The following PRKAR2A variants were observed in gnomAD, a reference collection of about 807,000 sequenced individuals.
PRKAR2A encodes cAMP-dependent protein kinase type II-alpha regulatory subunit.
A neutral mutation model predicts 51.9 loss-of-function variants in PRKAR2A; 29 were observed. The observed-to-expected ratio is 0.56, with a 90% confidence interval of 0.42 to 0.76. PRKAR2A has a LOEUF of 0.76. PRKAR2A is among the 30% of genes least tolerant of loss of function. PRKAR2A has a pLI of 0.00. For synonymous variants in PRKAR2A, 178 were observed against 186.2 expected, an observed-to-expected ratio of 0.96 and a Z score of 0.36; for missense variants, 445 against 512.1, an observed-to-expected ratio of 0.87 and a Z score of 1.26.
chr3:48,812,395 C>T (rs1215870845), intron 1 of PRKAR2A, among the ~76,000 whole-genome samples: 2 of 151,994 alleles, frequency 1.3e-5, no homozygotes, highest in Non-Finnish European at 2.9e-5. Context: ...GCAGCAATGA[C>T]GCAGTAGGTT....
At chr3:48,754,638 G>A (rs1456843424) in intron 9 of PRKAR2A, among the ~76,000 whole-genome samples, 1 of 151,910 alleles carries the variant, frequency 6.6e-6, no homozygotes, top group South Asian at 2.1e-4. Flanking sequence ...GCTGGGCTTG[G>A]TGGTGGGAGC....
chr3:48,780,641 A>G (rs1015189941), intron 5 of PRKAR2A, among the ~76,000 whole-genome samples: 2 of 151,856 alleles, frequency 1.3e-5, no homozygotes, highest in Non-Finnish European at 2.9e-5. Flanking sequence ...TCTGAGTGTA[A>G]TAATTTGTCA....
chr3:48,847,264 G>C lies in PRKAR2A; in HGVS notation c.262+71C>G. 6.5e-7 allele frequency: 1 copy of C among 1,534,118 alleles called. No homozygotes were observed. The highest frequency in any genetic ancestry group is 8.8e-7 in the Non-Finnish European group (1 of 1,134,662). ...TCGGCTTGGCTGCGGCGCGACACCT[G>C]GCTCCCTGCCACCCCTCTAGACCTC... On this transcript the variant is annotated intron_variant, in intron 1 of 10. Transcript: ENST00000265563. The surrounding 1 kb of genome is among the most constrained non-coding windows in gnomAD (Gnocchi z 4.4).
At chr3:48,842,237 T>C (rs2083392887) in intron 1 of PRKAR2A, among the ~76,000 whole-genome samples, 1 of 152,224 alleles carries the variant, frequency 6.6e-6, no homozygotes, top group Non-Finnish European at 1.5e-5. Context: ...TATATAAGAA[T>C]GCTTGTGATT....
intron 6 of PRKAR2A, 148 bp downstream of exon 6, chr3:48,772,806 AT>A (rs1402137446): frequency 4.5e-4 from 355 of 790,392 alleles, no homozygotes; most frequent in South Asian, 1.1e-3. Flanking sequence ...ACACCTGGCT[AT>A]TTTTTTTGTA....
In PRKAR2A at chr3:48,749,457, T is replaced by C. The variant is rs2107180778; in HGVS notation, c.*2128A>G. The C allele has an allele frequency of 6.6e-6, 1 of 152,214 alleles. No individual in the cohort carries two copies. The highest frequency in any genetic ancestry group is 2.4e-5 in the African/African-American group (1 of 41,532). The allele number at this position is 152,214 out of a possible 1,614,324, so 9.4% of individuals were successfully genotyped here. A position where few individuals can be genotyped will look rare whatever the true frequency, so the allele number is the denominator to read the frequency against. On this transcript the variant is annotated 3_prime_UTR_variant, in exon 11 of 11. Transcript: ENST00000265563. ...TCAACTAGAAAGGCCTTCACAGTAA[T>C]TCTATGAAATTGTAAATGATGCCAA...
At chr3:48,823,493 T>C (rs1575932631) in intron 1 of PRKAR2A, among the ~76,000 whole-genome samples, 2 of 151,970 alleles carry the variant, frequency 1.3e-5, no homozygotes, top group East Asian at 3.9e-4. Context: ...ATGTCTGTTG[T>C]GGTATGGTGA....
intron 1 of PRKAR2A, among the ~76,000 whole-genome samples, chr3:48,825,698 C>T (rs546089052): frequency 1.4e-4 from 21 of 152,212 alleles, no homozygotes; most frequent in African/African-American, 5.1e-4. Context: ...TTTCCTATTA[C>T]CCAAGCTGGA....
chr3:48,771,268 G>A (rs964517368), intron 6 of PRKAR2A, among the ~76,000 whole-genome samples: 1 of 152,176 alleles, frequency 6.6e-6, no homozygotes, highest in African/African-American at 2.4e-5. Flanking sequence ...AGCACTTTGG[G>A]AGGCCAAGGC....
At position 48,847,241 on chromosome 3, in the gene PRKAR2A, G is replaced by T; in HGVS notation, c.262+94C>A. 1 of 1,455,584 alleles carries T rather than the reference G, an allele frequency of 6.9e-7. No homozygotes were observed. Among genetic ancestry groups the T allele is most frequent in the Non-Finnish European group, 9.2e-7 (1 of 1,083,356 alleles). The allele number at this position is 1,455,584 out of a possible 1,614,324, so 90.2% of individuals were successfully genotyped here. ...GAGCTCCCAATCCCAGCCTGCGGTC[G>T]GCTTGGCTGCGGCGCGACACCTGGC... On this transcript the variant is annotated intron_variant, in intron 1 of 10. Coordinates refer to ENST00000265563, the MANE Select transcript of PRKAR2A (RefSeq NM_004157.4). This position sits in a 1 kb window ranked among gnomAD's most constrained non-coding sequence, Gnocchi z 4.4.
intron 1 of PRKAR2A, among the ~76,000 whole-genome samples, chr3:48,837,357 A>G (rs968186768): frequency 6.6e-6 from 1 of 152,212 alleles, no homozygotes; most frequent in Non-Finnish European, 1.5e-5. Flanking sequence ...TCCACTCAAC[A>G]TCATTAGTCA....
intron 2 of PRKAR2A, among the ~76,000 whole-genome samples, chr3:48,797,485 C>A (rs1031088085): frequency 1.3e-5 from 2 of 152,156 alleles, no homozygotes; most frequent in Non-Finnish European, 2.9e-5. Flanking sequence ...TCTAGGTACA[C>A]CCCAGCTTCC....
rs1196758080 is a variant in PRKAR2A at position 48,819,981 on chromosome 3, A to G, written c.263-12297T>C. 5.9e-5 allele frequency among the ~76,000 whole-genome samples: 9 copies of G among 152,128 alleles called. No homozygotes were observed. The South Asian group carries it at 1.7e-3, about 28-fold the overall frequency. Reference sequence around the variant, plus strand: ...CTCCCAACTCTGCCTACTACTTCCAATTTGGTCATAGGATAGGGTGCATGA... The same window carrying G: ...CTCCCAACTCTGCCTACTACTTCCAGTTTGGTCATAGGATAGGGTGCATGA... On this transcript the variant is annotated intron_variant, in intron 1 of 10. Coordinates refer to ENST00000265563, the MANE Select transcript of PRKAR2A (RefSeq NM_004157.4).
intron 1 of PRKAR2A, among the ~76,000 whole-genome samples, chr3:48,819,033 G>A (rs986991272): frequency 6.0e-5 from 9 of 149,482 alleles, no homozygotes; most frequent in African/African-American, 1.7e-4. Flanking sequence ...ACAGAGTTTC[G>A]CTCTTGTTGC....
intron 5 of PRKAR2A, among the ~76,000 whole-genome samples, chr3:48,773,488 C>G (rs921354104): frequency 6.6e-6 from 1 of 151,856 alleles, no homozygotes; most frequent in Non-Finnish European, 1.5e-5. Flanking sequence ...GGACTACAGG[C>G]ACGCGCCACC....
chr3:48,779,889 C>T (rs552726573), intron 5 of PRKAR2A, among the ~76,000 whole-genome samples: 1 of 150,496 alleles, frequency 6.6e-6, no homozygotes, highest in South Asian at 2.1e-4. Context: ...GGGCTGGGTG[C>T]GGTGGCTCAT....
chr3:48,804,075 C>T lies in PRKAR2A; in HGVS notation c.298+3574G>A, dbSNP rs186764996. Among the ~76,000 whole-genome samples the T allele has an allele frequency of 4.6e-5, 7 of 152,248 alleles. No homozygotes were observed. The East Asian group carries it at 1.4e-3, about 29-fold the overall frequency. On this transcript the variant is annotated intron_variant, in intron 2 of 10. Transcript: ENST00000265563. ...AAGTAAGATCAGTCAATAAGGCTAT[C>T]TATTTTCCTCCAATCAGGTTCAGCT...
In PRKAR2A at chr3:48,816,615, C is replaced by T. The variant is rs540796135; in HGVS notation, c.263-8931G>A. 2.4e-3 allele frequency among the ~76,000 whole-genome samples: 366 copies of T among 151,718 alleles called. 3 individuals carry two copies. The highest frequency in any genetic ancestry group is 8.2e-3 in the African/African-American group (341 of 41,352). ...ATCGCACCACTGCACTCCAGCCTTG[C>T]GACAGAGAGAGACTCCATCTCAAAA... On this transcript the variant is annotated intron_variant, in intron 1 of 10. Transcript: ENST00000265563.
intron 8 of PRKAR2A, among the ~76,000 whole-genome samples, chr3:48,761,434 T>C (rs2081861942): frequency 1.3e-5 from 2 of 152,214 alleles, no homozygotes; most frequent in East Asian, 1.9e-4. Context: ...AGTATAAACT[T>C]AGATGTGCTA....
Sources: gnomAD v4.1 joint callset for allele counts (sites outside exome capture counted in the v4.1 genomes callset) on GRCh38, gnomAD v4.1.1 for gene constraint, Gnocchi (gnomAD v3.1) non-coding constraint, MANE v1.5 for transcripts, NCBI Gene and HGNC (gene_info 2026-07-23, HGNC 2026-07-21) for gene names.